Variants in STAG1 observed in about 807,000 individuals in gnomAD.
STAG1 encodes STAG1 cohesin complex component, also known as cohesin subunit SA-1.
In STAG1, 26 loss-of-function variants were observed where a neutral mutation model predicts 170.9. That is an observed-to-expected ratio of 0.15 (90% CI 0.11 to 0.21). The LOEUF (loss-of-function observed/expected upper bound fraction) is 0.21. Ranked by LOEUF, STAG1 falls within the 10% of genes least tolerant of loss-of-function variation. The pLI is 1.00. For missense variants in STAG1, 964 were observed against 1,509.5 expected (o/e 0.64, Z 5.99); for synonymous variants, 514 against 497.7 (o/e 1.03, Z -0.44).
chr3:136,630,677 G>C (rs1940298110), intron 2 of STAG1, among the ~76,000 whole-genome samples, 193 bp downstream of exon 2: 1 of 152,124 alleles, frequency 6.6e-6, no homozygotes, highest in Non-Finnish European at 1.5e-5. Flanking sequence ...AAAACATGTT[G>C]ACAGTTCAAT....
chr3:136,576,298 A>G (rs1937453450), intron 4 of STAG1, among the ~76,000 whole-genome samples: 1 of 152,142 alleles, frequency 6.6e-6, no homozygotes, highest in African/African-American at 2.4e-5. Flanking sequence ...TCACACACAC[A>G]TACATATAAG....
At chr3:136,637,440 A>C (rs1445240413) in intron 1 of STAG1, among the ~76,000 whole-genome samples, 2 of 152,222 alleles carry the variant, frequency 1.3e-5, no homozygotes, top group Non-Finnish European at 2.9e-5. Flanking sequence ...TGATGTGCTC[A>C]ATGGGATAGC....
chr3:136,748,720 A>T (rs112273190), intron 1 of STAG1, among the ~76,000 whole-genome samples: 1,703 of 152,310 alleles, frequency 0.011, 19 homozygotes, highest in African/African-American at 0.039. Context: ...TAATTTTTTT[A>T]AATTTTTTAA....
chr3:136,593,567 T>C lies in STAG1; in HGVS notation c.297+10742A>G, dbSNP rs932646150. The stretch of plus-strand genomic sequence containing the variant: ...ATATACTTTAATGATTATTAAAATA[T>C]TGAGAATTTCAATTATTTCACAATC... On this transcript the variant is annotated intron_variant, in intron 4 of 33. Coordinates refer to ENST00000383202, the MANE Select transcript of STAG1 (RefSeq NM_005862.3). Among the ~76,000 whole-genome samples the C allele has an allele frequency of 3.9e-5, 6 of 152,220 alleles. No individual in the cohort carries two copies. In the East Asian group the frequency reaches 5.8e-4, roughly 15 times the overall value.
At chr3:136,340,002 C>A (rs1296968135) in intron 32 of STAG1, among the ~76,000 whole-genome samples, 1 of 152,094 alleles carries the variant, frequency 6.6e-6, no homozygotes. Flanking sequence ...AAAGAAAGAA[C>A]CAGTTTCTGT....
At chr3:136,523,823 T>C (rs538204172) in intron 6 of STAG1, among the ~76,000 whole-genome samples, 1 of 152,322 alleles carries the variant, frequency 6.6e-6, no homozygotes, top group African/African-American at 2.4e-5. Flanking sequence ...GGCTAGCCAG[T>C]TTTCCCAGCA....
intron 22 of STAG1, among the ~76,000 whole-genome samples, chr3:136,384,506 C>T (rs1329356239): frequency 6.9e-6 from 1 of 145,674 alleles, no homozygotes; most frequent in East Asian, 2.1e-4. Flanking sequence ...TGGTGGCTCA[C>T]ACCTGTAATC....
Position 136,349,234 on chromosome 3 carries a change from A to G in STAG1, c.3195T>C (p.Ser1065=). 1 of 1,613,926 alleles carries G rather than the reference A, an allele frequency of 6.2e-7. No homozygotes were observed. The highest frequency in any genetic ancestry group is 1.1e-5 in the South Asian group (1 of 91,074). The change falls in exon 29 of 34, where the codon AGT becomes AGC. Residue 1065 remains serine (S), a synonymous_variant. Coordinates refer to ENST00000383202, the MANE Select transcript of STAG1 (RefSeq NM_005862.3). ...GGEDDRMSVN[S]GSSSSKTSSV... ...ATGAGGTTTTGCTGCTGCTACTTCC[A>G]CTGTTCACAGACATTCTATCATCTT...
intron 22 of STAG1, among the ~76,000 whole-genome samples, chr3:136,386,821 C>T (rs1001738841): frequency 1.3e-5 from 2 of 151,872 alleles, no homozygotes; most frequent in Admixed American, 1.3e-4. Flanking sequence ...CTATGAAATA[C>T]GGTTAACATA....
Position 136,422,574 on chromosome 3 carries a change from C to G in STAG1, c.1873G>C (p.Glu625Gln). ...ALLKQIKFVV[E>Q]KHVESDVLEA... is the part of the protein sequence containing the mutation. ...AGAACATCTGATTCTACGTGTTTCT[C>G]CACAACAAACTTAATCTGTTTTAAT... Residue 625 changes from glutamate (E) to glutamine (Q), a missense_variant, in exon 19 of 34, where the codon GAG becomes CAG. Transcript: ENST00000383202. The G allele has an allele frequency of 6.2e-7, 1 of 1,613,868 alleles. No individual in the cohort carries two copies. The highest frequency in any genetic ancestry group is 8.5e-7 in the Non-Finnish European group (1 of 1,179,948).
chr3:136,497,322 G>A (rs1356375757), intron 9 of STAG1, among the ~76,000 whole-genome samples: 2 of 152,082 alleles, frequency 1.3e-5, no homozygotes, highest in African/African-American at 4.8e-5. Context: ...GAACATAGAT[G>A]CAGAAATTCT....
intron 7 of STAG1, among the ~76,000 whole-genome samples, chr3:136,506,160 T>G (rs1160148883): frequency 6.6e-6 from 1 of 152,090 alleles, no homozygotes; most frequent in African/African-American, 2.4e-5. Flanking sequence ...TATAGGACAG[T>G]AAAACTGGAA....
intron 1 of STAG1, among the ~76,000 whole-genome samples, chr3:136,723,436 T>C (rs1933433824): frequency 1.4e-5 from 2 of 145,750 alleles, no homozygotes; most frequent in African/African-American, 5.2e-5. Flanking sequence ...GTCTGAGAAG[T>C]GAGGAGACCC....
rs1237527254 is a variant in STAG1 at position 136,354,544 on chromosome 3, T to G, written c.3065+3176A>C. On this transcript the variant is annotated intron_variant, in intron 28 of 33. Transcript: ENST00000383202. ...CTTGAACTCTTGACCTCAAGTGATC[T>G]GCCCACCTCAGCCTCCCAAAGTGCT... Among the ~76,000 whole-genome samples the G allele has an allele frequency of 1.3e-5, 2 of 151,754 alleles. 1 individual carries two copies. The highest frequency in any genetic ancestry group is 3.9e-4 in the East Asian group (2 of 5,166).
At chr3:136,556,570 GT>G (rs375836305) in intron 5 of STAG1, among the ~76,000 whole-genome samples, 11 of 101,670 alleles carry the variant, frequency 1.1e-4, no homozygotes, top group Admixed American at 5.6e-4. Flanking sequence ...CTTGACATTC[GT>G]TTTTTTTTTG....
intron 1 of STAG1, among the ~76,000 whole-genome samples, chr3:136,645,784 G>A (rs1005416207): frequency 2.0e-5 from 3 of 151,900 alleles, no homozygotes; most frequent in Non-Finnish European, 2.9e-5. Flanking sequence ...TCCTCCATTC[G>A]ACATATATAC....
At chr3:136,467,192 C>T (rs1174765878) in intron 12 of STAG1, among the ~76,000 whole-genome samples, 4 of 152,040 alleles carry the variant, frequency 2.6e-5, no homozygotes, top group Admixed American at 2.6e-4. Flanking sequence ...CTAAATGCTC[C>T]AATTAAAAGA....
intron 22 of STAG1, 148 bp downstream of exon 22, chr3:136,398,601 T>G (rs941852408): frequency 6.1e-6 from 2 of 328,248 alleles, no homozygotes; most frequent in Non-Finnish European, 1.0e-5. Context: ...ACTCATAAGA[T>G]AAACCAAGAA....
intron 7 of STAG1, among the ~76,000 whole-genome samples, chr3:136,515,560 A>C (rs1934328963): frequency 6.6e-6 from 1 of 152,224 alleles, no homozygotes; most frequent in South Asian, 2.1e-4. Flanking sequence ...GGAGTTACAT[A>C]ATTTGTCCAA....
Sources: gnomAD v4.1 joint callset for allele counts (sites outside exome capture counted in the v4.1 genomes callset) on GRCh38, gnomAD v4.1.1 for gene constraint, MANE v1.5 for transcripts, NCBI Gene and HGNC (gene_info 2026-07-23, HGNC 2026-07-21) for gene names.